ACOT1: variants seen among roughly 807,000 people sequenced by gnomAD.
ACOT1 encodes acyl-coenzyme A thioesterase 1.
A neutral mutation model predicts 15.7 loss-of-function variants in ACOT1; 8 were observed. The ratio of observed to expected loss-of-function variants is 0.51; its 90% CI spans 0.30 to 0.92. ACOT1 has a LOEUF of 0.92. Among genes scored for constraint, ACOT1 ranks in the 40% least tolerant of loss-of-function variants. The pLI is 0.06. For missense variants in ACOT1, 151 were observed against 539.4 expected, an observed-to-expected ratio of 0.28 and a Z score of 7.13; for synonymous variants, 67 against 241.2, an observed-to-expected ratio of 0.28 and a Z score of 6.69.
chr14:73,496,945 C>G, the ACOT1 span, among the ~76,000 whole-genome samples: 1 of 152,194 alleles, frequency 6.6e-6, no homozygotes, highest in East Asian at 1.9e-4. Flanking sequence ...AGCTGGAGTG[C>G]AATGGCACGA....
At chr14:73,511,735 G>C in the ACOT1 span, among the ~76,000 whole-genome samples, 1 of 151,868 alleles carries the variant, frequency 6.6e-6, no homozygotes, top group African/African-American at 2.4e-5. Flanking sequence ...AAAAAAGAAT[G>C]GGATCTTCAA....
the ACOT1 span, chr14:73,521,095 C>T: frequency 6.8e-7 from 1 of 1,470,960 alleles, no homozygotes; most frequent in South Asian, 1.2e-5. Flanking sequence ...GTGGATCCCC[C>T]TTTCCATTAA....
chr14:73,492,636 C>G, the ACOT1 span: 1 of 1,613,916 alleles, frequency 6.2e-7, no homozygotes, highest in East Asian at 2.2e-5. This position sits in a 1 kb window ranked among gnomAD's most constrained non-coding sequence, Gnocchi z 4.9. Context: ...AACGTGGGGG[C>G]CCAGTTGACA....
the ACOT1 span, chr14:73,498,986 A>G: frequency 2.7e-6 from 3 of 1,128,498 alleles, no homozygotes; most frequent in Non-Finnish European, 2.7e-6. Context: ...ACTTCACCCC[A>G]TTAGAGAGTT....
the ACOT1 span, chr14:73,496,457 A>G: frequency 3.4e-6 from 2 of 595,466 alleles, no homozygotes; most frequent in Non-Finnish European, 6.0e-6. Context: ...TGCATCTTCA[A>G]ATGATGTGGC....
the ACOT1 span, among the ~76,000 whole-genome samples, chr14:73,526,346 A>G: frequency 6.6e-6 from 1 of 152,178 alleles, no homozygotes; most frequent in Non-Finnish European, 1.5e-5. Flanking sequence ...CCCTGAATAC[A>G]TATGAGTGAC....
At chr14:73,522,164 AGTT>A in the ACOT1 span, 1 of 1,147,922 alleles carries the variant, frequency 8.7e-7, no homozygotes, top group Non-Finnish European at 1.3e-6. Flanking sequence ...GAGAACATGA[AGTT>A]GATGGGAGAG....
At chr14:73,496,603 T>A in the ACOT1 span, 1 of 1,591,228 alleles carries the variant, frequency 6.3e-7, no homozygotes. Flanking sequence ...TTATTTACCC[T>A]GTTCTTGATC....
the ACOT1 span, among the ~76,000 whole-genome samples, chr14:73,503,313 A>G: frequency 6.6e-6 from 1 of 152,214 alleles, no homozygotes; most frequent in Non-Finnish European, 1.5e-5. Flanking sequence ...ATCAGTGCCA[A>G]CATAACTTGT....
chr14:73,537,448 C>T lies in ACOT1; in HGVS notation c.27C>T (p.Pro9=), dbSNP rs551781977. The change falls in exon 1 of 3, where the codon CCC becomes CCT. Residue 9 remains proline, a synonymous_variant. Transcript: ENST00000311148. The stretch of plus-strand genomic sequence containing the variant: ...TGGCGGCGACGCTGATCCTGGAGCC[C>T]GCGGGCCGCTGCTGCTGGGACGAAC... MAATLILE[P]AGRCCWDEPV... 538 of 1,230,140 alleles carry T rather than the reference C, an allele frequency of 4.4e-4. 149 individuals carry two copies. In the South Asian group the frequency reaches 6.5e-3, roughly 15 times the overall value. The allele number at this position is 1,230,140 out of a possible 1,614,324, so 76.2% of individuals were successfully genotyped here. A position where few individuals can be genotyped will look rare whatever the true frequency, so the allele number is the denominator to read the frequency against.
the ACOT1 span, among the ~76,000 whole-genome samples, chr14:73,515,112 C>T: frequency 6.6e-6 from 1 of 150,544 alleles, no homozygotes; most frequent in African/African-American, 2.4e-5. Flanking sequence ...ATTTTCTGAA[C>T]TTAATGTTTT....
At chr14:73,495,103 G>A in the ACOT1 span, 320 of 712,352 alleles carry the variant, frequency 4.5e-4, 2 homozygotes, top group African/African-American at 4.2e-3. Flanking sequence ...AGCCAAGAGG[G>A]AAGAGAGTAC....
chr14:73,540,303 A>G (rs1316670454), intron 1 of ACOT1, among the ~76,000 whole-genome samples: 8 of 151,344 alleles, frequency 5.3e-5, no homozygotes, highest in African/African-American at 1.9e-4. Flanking sequence ...AAAAAGAGCA[A>G]AGTCAACTGG....
At chr14:73,535,462 CTTCTTTCTT>C (rs1888825003), upstream of ACOT1, among the ~76,000 whole-genome samples, 18 of 59,324 alleles carry the variant, frequency 3.0e-4, 1 homozygote, top group African/African-American at 7.3e-4. Context: ...TTTTCTTTTT[CTTCTTTCTT>C]TTTTTTTTTT....
At chr14:73,522,954 C>T in the ACOT1 span, 1 of 1,614,200 alleles carries the variant, frequency 6.2e-7, no homozygotes. Context: ...TTTGCAGCAG[C>T]CATTTTCAAA....
At chr14:73,524,310 A>AAAAT in the ACOT1 span, among the ~76,000 whole-genome samples, 41 of 54,776 alleles carry the variant, frequency 7.5e-4, 1 homozygote, top group African/African-American at 2.8e-3. Context: ...AAAAAAAAAA[A>AAAAT]ATATATATAT....
chr14:73,506,594 T>C, the ACOT1 span: 3 of 1,543,546 alleles, frequency 1.9e-6, no homozygotes, highest in Non-Finnish European at 2.7e-6. Flanking sequence ...AAGACTTGTA[T>C]GGATATTCAC....
chr14:73,492,513 A>G, the ACOT1 span: 1 of 1,613,592 alleles, frequency 6.2e-7, no homozygotes, highest in South Asian at 1.1e-5. The surrounding 1 kb of genome is among the most constrained non-coding windows in gnomAD (Gnocchi z 4.9). Context: ...GCTGTGGCCG[A>G]CCAGCGAGCC....
the ACOT1 span, among the ~76,000 whole-genome samples, chr14:73,512,959 C>T: frequency 6.6e-6 from 1 of 152,208 alleles, no homozygotes; most frequent in African/African-American, 2.4e-5. Flanking sequence ...CAGTCCTTGC[C>T]AGGCCATTAC....
Sources: gnomAD v4.1 joint callset for allele counts (sites outside exome capture counted in the v4.1 genomes callset) on GRCh38, gnomAD v4.1.1 for gene constraint, Gnocchi (gnomAD v3.1) non-coding constraint, MANE v1.5 for transcripts, NCBI Gene and HGNC (gene_info 2026-07-23, HGNC 2026-07-21) for gene names.